SEMA6D: variants seen among roughly 807,000 people sequenced by gnomAD.
The protein encoded by SEMA6D is semaphorin-6D.
Under a neutral mutation model 106.6 loss-of-function variants are expected in SEMA6D, and 35 were observed. That is an observed-to-expected ratio of 0.33 (90% CI 0.25 to 0.44). The LOEUF (loss-of-function observed/expected upper bound fraction) is 0.44. Among genes scored for constraint, SEMA6D ranks in the 20% least tolerant of loss-of-function variants. The pLI is 1.00. For missense variants in SEMA6D, 1,185 were observed against 1,345.9 expected (o/e 0.88, Z 1.87); for synonymous variants, 499 against 487.7 (o/e 1.02, Z -0.31).
At chr15:47,521,670 T>A (rs1302119007) in intron 3 of SEMA6D, among the ~76,000 whole-genome samples, 1 of 152,176 alleles carries the variant, frequency 6.6e-6, no homozygotes, top group Non-Finnish European at 1.5e-5. Context: ...ATCCTTCCTT[T>A]AAACTAGGAA....
At chr15:47,531,168 A>C (rs1314688714) in intron 3 of SEMA6D, among the ~76,000 whole-genome samples, 5 of 152,216 alleles carry the variant, frequency 3.3e-5, no homozygotes, top group African/African-American at 1.2e-4. Flanking sequence ...TGTATATGAA[A>C]AGTTTCCTAC....
At chr15:47,511,283 T>A (rs1007196100) in intron 3 of SEMA6D, among the ~76,000 whole-genome samples, 2 of 152,236 alleles carry the variant, frequency 1.3e-5, no homozygotes, top group Non-Finnish European at 2.9e-5. Context: ...TGTTTGAAGA[T>A]CACCACCTTG....
chr15:47,295,556 T>C (rs1461608111), intron 1 of SEMA6D, among the ~76,000 whole-genome samples: 1 of 152,178 alleles, frequency 6.6e-6, no homozygotes, highest in Non-Finnish European at 1.5e-5. Flanking sequence ...TCCAGAGAAA[T>C]AACCACTGTG....
At chr15:47,756,958 AG>A (rs2081784617) in intron 1 of SEMA6D, among the ~76,000 whole-genome samples, 2 of 141,378 alleles carry the variant, frequency 1.4e-5, no homozygotes, top group Non-Finnish European at 3.0e-5. Flanking sequence ...AGTTAGTGGT[AG>A]GGCTTTATTT....
At chr15:47,735,984 G>GA (rs893804685) in intron 1 of SEMA6D, among the ~76,000 whole-genome samples, 7 of 152,226 alleles carry the variant, frequency 4.6e-5, no homozygotes, top group African/African-American at 1.4e-4. Flanking sequence ...CAGAAGGAGA[G>GA]AAAGGGAATG....
intron 1 of SEMA6D, among the ~76,000 whole-genome samples, chr15:47,262,092 A>G (rs926087160): frequency 1.3e-5 from 2 of 152,182 alleles, no homozygotes; most frequent in African/African-American, 4.8e-5. Flanking sequence ...AATTGCCACA[A>G]AAAGAATGAA....
chr15:47,754,380 AT>A (rs2081602684), intron 1 of SEMA6D, among the ~76,000 whole-genome samples: 1 of 152,110 alleles, frequency 6.6e-6, no homozygotes, highest in African/African-American at 2.4e-5. Flanking sequence ...AAACATCCTT[AT>A]TTTGCCTTCA....
At chr15:47,381,065 G>A (rs1273231577) in intron 1 of SEMA6D, among the ~76,000 whole-genome samples, 2 of 152,246 alleles carry the variant, frequency 1.3e-5, no homozygotes, top group Non-Finnish European at 2.9e-5. Flanking sequence ...TGTGAATTAA[G>A]CCAGGCTGAA....
At chr15:47,749,968 G>A (rs1245665911) in intron 1 of SEMA6D, among the ~76,000 whole-genome samples, 1 of 152,200 alleles carries the variant, frequency 6.6e-6, no homozygotes, top group Non-Finnish European at 1.5e-5. Flanking sequence ...GAGATTAAAT[G>A]CCTCAAGGAG....
At chr15:47,585,573 TACA>T (rs1182064931) in intron 3 of SEMA6D, among the ~76,000 whole-genome samples, 1 of 152,152 alleles carries the variant, frequency 6.6e-6, no homozygotes, top group Non-Finnish European at 1.5e-5. Flanking sequence ...CCACCTTTTC[TACA>T]ACAAGTTTCT....
intron 3 of SEMA6D, among the ~76,000 whole-genome samples, chr15:47,556,629 C>T (rs1192494766): frequency 6.6e-6 from 1 of 151,962 alleles, no homozygotes; most frequent in Non-Finnish European, 1.5e-5. Flanking sequence ...AAGTGTGTGC[C>T]ATCCCTAAAG....
chr15:47,496,742 C>G (rs1567121253), intron 3 of SEMA6D, among the ~76,000 whole-genome samples: 1 of 151,946 alleles, frequency 6.6e-6, no homozygotes. Context: ...CCTGGATTCT[C>G]TTTTAAGAAT....
At chr15:47,750,977 A>G (rs907761722) in intron 1 of SEMA6D, among the ~76,000 whole-genome samples, 1 of 152,202 alleles carries the variant, frequency 6.6e-6, no homozygotes, top group Non-Finnish European at 1.5e-5. Flanking sequence ...CCTGGAGGCA[A>G]GGAGCACCCA....
At chr15:47,596,940 C>T (rs1396803360) in intron 3 of SEMA6D, among the ~76,000 whole-genome samples, 1 of 152,008 alleles carries the variant, frequency 6.6e-6, no homozygotes, top group African/African-American at 2.4e-5. Flanking sequence ...AAAGGCATTA[C>T]ATCAGACTAA....
chr15:47,472,407 C>T (rs2042878081), intron 3 of SEMA6D, among the ~76,000 whole-genome samples: 1 of 152,120 alleles, frequency 6.6e-6, no homozygotes, highest in Non-Finnish European at 1.5e-5. Flanking sequence ...CCATGCTTTC[C>T]AAATCACAAG....
intron 4 of SEMA6D, among the ~76,000 whole-genome samples, chr15:47,696,787 C>T (rs982894180): frequency 6.6e-6 from 1 of 152,168 alleles, no homozygotes; most frequent in Non-Finnish European, 1.5e-5. Flanking sequence ...ACTGGCTGCA[C>T]AGTTCATAGA....
rs369148970 is a variant in SEMA6D at position 47,417,963 on chromosome 15, A to G, written c.-159+5491A>G. ...CTGCATTCAAGGAAGTTAATTTTCA[A>G]TGGAGGAGATAAACGATGCATGGAT... is the stretch of plus-strand genomic sequence containing the variant. On this transcript the variant is annotated intron_variant, in intron 2 of 19. Coordinates refer to the SEMA6D transcript ENST00000558014. Among the ~76,000 whole-genome samples the G allele has an allele frequency of 3.9e-5, 6 of 152,220 alleles. No individual in the cohort carries two copies. In the East Asian group the frequency reaches 5.8e-4, roughly 15 times the overall value.
At chr15:47,187,061 C>T (rs1188057792) in intron 1 of SEMA6D, among the ~76,000 whole-genome samples, 10 of 151,866 alleles carry the variant, frequency 6.6e-5, no homozygotes, top group Non-Finnish European at 1.2e-4. Context: ...TGGCCATTCG[C>T]GTTTATTGAG....
chr15:47,425,672 C>CTT (rs750135945), intron 2 of SEMA6D, among the ~76,000 whole-genome samples: 11 of 136,624 alleles, frequency 8.1e-5, no homozygotes, highest in South Asian at 2.4e-4. Context: ...AAGATACTTT[C>CTT]TTTTTTTTTT....
Sources: allele counts gnomAD v4.1 joint callset (sites outside exome capture counted in the v4.1 genomes callset), GRCh38; gene constraint gnomAD v4.1.1; transcripts MANE v1.5; gene names NCBI Gene and HGNC (gene_info 2026-07-23, HGNC 2026-07-21).